The following KIRREL3 variants were observed in gnomAD, a reference collection of about 807,000 sequenced individuals.
KIRREL3 encodes kin of IRRE-like protein 3.
A neutral mutation model predicts 89.7 loss-of-function variants in KIRREL3; 36 were observed. That is an observed-to-expected ratio of 0.40 (90% CI 0.31 to 0.53). KIRREL3 has a LOEUF of 0.53. Among genes scored for constraint, KIRREL3 ranks in the 20% least tolerant of loss-of-function variants. The probability of loss-of-function intolerance (pLI) is 0.49; values close to 1 mark genes in which losing one functional copy is unlikely to be tolerated. For synonymous variants in KIRREL3, 445 were observed against 441.4 expected (o/e 1.01, Z -0.10); for missense variants, 864 against 1,056.6 (o/e 0.82, Z 2.53).
chr11:126,681,222 C>T (rs1277415037), intron 1 of KIRREL3, among the ~76,000 whole-genome samples: 4 of 152,164 alleles, frequency 2.6e-5, no homozygotes, highest in Non-Finnish European at 5.9e-5. Flanking sequence ...GATAGGCTGC[C>T]TAGGGTCTAA....
In KIRREL3 at chr11:126,474,245, G is replaced by A. The variant is rs148824266; in HGVS notation, c.434-779C>T. On this transcript the variant is annotated intron_variant, in intron 4 of 16. Coordinates refer to ENST00000525144, the MANE Select transcript of KIRREL3 (RefSeq NM_032531.4). The surrounding 1 kb of genome is among the most constrained non-coding windows in gnomAD (Gnocchi z 6.7). Reference sequence around the variant, plus strand: ...ATTACAGGCGTGAGCCACGGCACCTGGCTTTTCTTTTTTCTTTAAATGAAG... The same window carrying A: ...ATTACAGGCGTGAGCCACGGCACCTAGCTTTTCTTTTTTCTTTAAATGAAG... Among the ~76,000 whole-genome samples, 1,157 of 152,312 alleles carry A rather than the reference G, an allele frequency of 7.6e-3. 13 individuals carry two copies. Among genetic ancestry groups the A allele is most frequent in the African/African-American group, 0.024 (990 of 41,562 alleles).
At chr11:126,439,924 A>T (rs1236765898) in intron 11 of KIRREL3, among the ~76,000 whole-genome samples, 1 of 152,052 alleles carries the variant, frequency 6.6e-6, no homozygotes, top group Non-Finnish European at 1.5e-5. Context: ...CCTTAGCTGC[A>T]TTGCAGGGAT....
intron 1 of KIRREL3, among the ~76,000 whole-genome samples, chr11:126,962,545 G>A (rs554168514): frequency 1.3e-5 from 2 of 152,258 alleles, no homozygotes; most frequent in Admixed American, 6.5e-5. Context: ...GGTTTCTTGA[G>A]GTGAAATGTA....
At chr11:126,829,366 C>G (rs1946072) in intron 1 of KIRREL3, among the ~76,000 whole-genome samples, 131,185 of 152,136 alleles carry the variant, frequency 0.86, 56,899 homozygotes, top group East Asian at 1. Flanking sequence ...TGCGGGTACA[C>G]CATTCATGAA....
In KIRREL3 at chr11:126,605,340, G is replaced by A. The variant is rs141870829; in HGVS notation, c.56-42428C>T. Among the ~76,000 whole-genome samples, 319 of 152,308 alleles carry A rather than the reference G, an allele frequency of 2.1e-3. 1 individual carries two copies. Among genetic ancestry groups the A allele is most frequent in the Non-Finnish European group, 3.5e-3 (237 of 68,036 alleles). ...CCAGTGAGCAGCTTCATCTTCAGGC[G>A]TCGGGAGTGGGAGCAATGGAGCACC... On this transcript the variant is annotated intron_variant, in intron 1 of 16. Coordinates refer to ENST00000525144, the MANE Select transcript of KIRREL3 (RefSeq NM_032531.4). The surrounding 1 kb of genome is among the most constrained non-coding windows in gnomAD (Gnocchi z 5.7).
Position 127,000,568 on chromosome 11 carries a change from C to T in KIRREL3, c.-59G>A. 1.0e-5 allele frequency: 16 copies of T among 1,546,352 alleles called. No homozygotes were observed. The highest frequency in any genetic ancestry group is 1.3e-5 in the Non-Finnish European group (15 of 1,140,620). ...ACTTGGCTGTGGTTAGTTTCTCTTC[C>T]TTGGCGGCTCTCGGTGCTCAGCCTC... On this transcript the variant is annotated 5_prime_UTR_variant, in exon 1 of 17. Coordinates refer to ENST00000525144, the MANE Select transcript of KIRREL3 (RefSeq NM_032531.4). The surrounding 1 kb of genome is among the most constrained non-coding windows in gnomAD (Gnocchi z 7.1).
chr11:126,474,677 G>A lies in KIRREL3; in HGVS notation c.434-1211C>T, dbSNP rs554987529. On this transcript the variant is annotated intron_variant, in intron 4 of 16. Transcript: ENST00000525144. This position sits in a 1 kb window ranked among gnomAD's most constrained non-coding sequence, Gnocchi z 6.7. ...CCCATCAAGGGATCCTGAGTGCCAG[G>A]AAGAGGGCCATCCGCGTCGGAGCAC... Among the ~76,000 whole-genome samples, 71 of 152,366 alleles carry A rather than the reference G, an allele frequency of 4.7e-4. No homozygotes were observed. Among genetic ancestry groups the A allele is most frequent in the African/African-American group, 1.7e-3 (69 of 41,592 alleles).
At chr11:126,440,211 C>T (rs896210873) in intron 11 of KIRREL3, 14 of 691,254 alleles carry the variant, frequency 2.0e-5, no homozygotes, top group Admixed American at 1.4e-4. Context: ...CAGAGCCGTT[C>T]ATGTCAGAGC....
chr11:126,929,881 C>T (rs1947867081), intron 1 of KIRREL3, among the ~76,000 whole-genome samples: 1 of 152,108 alleles, frequency 6.6e-6, no homozygotes, highest in Non-Finnish European at 1.5e-5. Flanking sequence ...TTAAGTAACA[C>T]CATGTGACAT....
intron 1 of KIRREL3, among the ~76,000 whole-genome samples, chr11:126,887,136 C>T (rs546694354): frequency 2.6e-5 from 4 of 152,222 alleles, no homozygotes; most frequent in African/African-American, 9.6e-5. Context: ...ATGAGATGCA[C>T]TGCACACCAA....
rs1442908173 is a variant in KIRREL3, at chr11:126,653,913, T to A, written c.56-91001A>T. ...GGGGGGAGTTGAAAAATAGACCTTG[T>A]AGCTGCCTCCATGCGATTCAGGGGA... On this transcript the variant is annotated intron_variant, in intron 1 of 16. Transcript: ENST00000525144. This position sits in a 1 kb window ranked among gnomAD's most constrained non-coding sequence, Gnocchi z 5.4. Among the ~76,000 whole-genome samples, 2 of 152,196 alleles carry A rather than the reference T, an allele frequency of 1.3e-5. No individual in the cohort carries two copies. The highest frequency in any genetic ancestry group is 4.8e-5 in the African/African-American group (2 of 41,448).
At chr11:126,657,269 T>C (rs547152) in intron 1 of KIRREL3, among the ~76,000 whole-genome samples, 31,877 of 151,632 alleles carry the variant, frequency 0.21, 3,700 homozygotes, top group South Asian at 0.42. Context: ...AATAAATAAA[T>C]AAATAAATAA....
At chr11:126,518,797 C>A (rs1233315281) in intron 4 of KIRREL3, among the ~76,000 whole-genome samples, 1 of 152,262 alleles carries the variant, frequency 6.6e-6, no homozygotes, top group Admixed American at 6.5e-5. Flanking sequence ...GGCCTCCTTG[C>A]AGAGCAGTAG....
chr11:126,758,006 A>G (rs187600276), intron 1 of KIRREL3, among the ~76,000 whole-genome samples: 4 of 152,362 alleles, frequency 2.6e-5, no homozygotes, highest in Non-Finnish European at 5.9e-5. Flanking sequence ...GTTGTTGCCA[A>G]TCGGGAGGTG....
At chr11:126,737,685 A>G (rs7114000) in intron 1 of KIRREL3, among the ~76,000 whole-genome samples, 100,686 of 152,088 alleles carry the variant, frequency 0.66, 33,845 homozygotes, top group East Asian at 0.96. Flanking sequence ...TTTTAGACAC[A>G]GTGAGCTAGA....
rs889476071 is a variant in KIRREL3, at chr11:126,909,220, G to C, written c.55+91235C>G. Among the ~76,000 whole-genome samples the C allele has an allele frequency of 3.9e-5, 6 of 152,078 alleles. No individual in the cohort carries two copies. The highest frequency in any genetic ancestry group is 7.4e-5 in the Non-Finnish European group (5 of 68,020). On this transcript the variant is annotated intron_variant, in intron 1 of 16. Transcript: ENST00000525144. This position sits in a 1 kb window ranked among gnomAD's most constrained non-coding sequence, Gnocchi z 4.5. The stretch of plus-strand genomic sequence containing the variant: ...TCTCTTCTCAGGCAGGGAAGGAATG[G>C]GGTCGGAGAGGGAGGAGTTCATGGG...
intron 1 of KIRREL3, among the ~76,000 whole-genome samples, chr11:126,894,302 G>A (rs1946050140): frequency 6.6e-6 from 1 of 152,120 alleles, no homozygotes; most frequent in Non-Finnish European, 1.5e-5. Flanking sequence ...CATTGTGTTA[G>A]GTGTAGGGGT....
In KIRREL3 at chr11:126,490,646, G is replaced by A. The variant is rs1224912568; in HGVS notation, c.434-17180C>T. ...TGTGTCTTCGTCATAAAATAAGAGGGATAATAATTCTGTGAAGGTTAGGAG... is the reference window on the plus strand; with the variant it reads ...TGTGTCTTCGTCATAAAATAAGAGGAATAATAATTCTGTGAAGGTTAGGAG... On this transcript the variant is annotated intron_variant, in intron 4 of 16. Transcript: ENST00000525144. This position sits in a 1 kb window ranked among gnomAD's most constrained non-coding sequence, Gnocchi z 4.2. Among the ~76,000 whole-genome samples, 4 of 152,166 alleles carry A rather than the reference G, an allele frequency of 2.6e-5. No homozygotes were observed. Among genetic ancestry groups the A allele is most frequent in the Admixed American group, 2.6e-4 (4 of 15,280 alleles).
chr11:126,876,267 G>A lies in KIRREL3; in HGVS notation c.55+124188C>T, dbSNP rs1032564119. On this transcript the variant is annotated intron_variant, in intron 1 of 16. Transcript: ENST00000525144. The surrounding 1 kb of genome is among the most constrained non-coding windows in gnomAD (Gnocchi z 4.1). ...GGCTGACCTGCAGAGGTGCTGTTCAGGAAGAAACAGATCTGCTGGAGGCAA... is the reference window on the plus strand; with the variant it reads ...GGCTGACCTGCAGAGGTGCTGTTCAAGAAGAAACAGATCTGCTGGAGGCAA... 5.9e-5 allele frequency among the ~76,000 whole-genome samples: 9 copies of A among 152,186 alleles called. No individual in the cohort carries two copies. Among genetic ancestry groups the A allele is most frequent in the Admixed American group, 3.9e-4 (6 of 15,272 alleles).
Sources: gnomAD v4.1 joint callset for allele counts (sites outside exome capture counted in the v4.1 genomes callset) on GRCh38, gnomAD v4.1.1 for gene constraint, Gnocchi (gnomAD v3.1) non-coding constraint, MANE v1.5 for transcripts, NCBI Gene and HGNC (gene_info 2026-07-23, HGNC 2026-07-21) for gene names.